The following THSD4 variants were observed in gnomAD, a reference collection of about 807,000 sequenced individuals.
The protein encoded by THSD4 is thrombospondin type 1 domain containing 4.
THSD4 carries 69 observed loss-of-function variants against 119.0 expected under a neutral mutation model. The observed-to-expected ratio is 0.58, with a 90% CI of 0.48 to 0.71. The LOEUF (loss-of-function observed/expected upper bound fraction) is 0.71. Among genes scored for constraint, THSD4 ranks in the 30% least tolerant of loss-of-function variants. THSD4 has a pLI of 0.00. For missense variants in THSD4, 1,393 were observed against 1,391.1 expected (o/e 1.00, Z -0.02); for synonymous variants, 524 against 540.4 (o/e 0.97, Z 0.42).
At chr15:71,518,612 T>C (rs866681581) in intron 7 of THSD4, among the ~76,000 whole-genome samples, 7 of 152,356 alleles carry the variant, frequency 4.6e-5, no homozygotes, top group Middle Eastern at 3.4e-3. Context: ...TGTTAGGTGC[T>C]GCTGCTGTAA....
At chr15:71,184,844 A>T (rs530776148) in intron 3 of THSD4, among the ~76,000 whole-genome samples, 5 of 151,898 alleles carry the variant, frequency 3.3e-5, no homozygotes, top group African/African-American at 1.2e-4. Context: ...ATGTGATGGA[A>T]GTAGTTTCGT....
chr15:71,398,104 A>G (rs2140480102), intron 6 of THSD4, among the ~76,000 whole-genome samples: 2 of 152,330 alleles, frequency 1.3e-5, no homozygotes, highest in South Asian at 4.1e-4. Flanking sequence ...CAAGATTAGT[A>G]GGATATCTTA....
chr15:71,456,195 G>A (rs1338537234), intron 7 of THSD4, among the ~76,000 whole-genome samples: 1 of 152,158 alleles, frequency 6.6e-6, no homozygotes, highest in African/African-American at 2.4e-5. Context: ...GTCCCGTTAA[G>A]CATCCAAAGA....
intron 2 of THSD4, among the ~76,000 whole-genome samples, chr15:71,144,266 CCT>C (rs535482069): frequency 1.3e-5 from 2 of 152,060 alleles, no homozygotes; most frequent in Non-Finnish European, 2.9e-5. Flanking sequence ...ATTTTGCATC[CCT>C]GTTTTTAGGG....
At chr15:71,500,776 C>T (rs1446434921) in intron 7 of THSD4, among the ~76,000 whole-genome samples, 1 of 152,166 alleles carries the variant, frequency 6.6e-6, no homozygotes, top group Non-Finnish European at 1.5e-5. Context: ...TGTGGAAGAT[C>T]ATTTGACCAC....
chr15:71,497,901 T>C lies in THSD4; in HGVS notation c.1152+86078T>C, dbSNP rs886588024. On this transcript the variant is annotated intron_variant, in intron 7 of 17. Coordinates refer to ENST00000261862, the MANE Select transcript of THSD4 (RefSeq NM_024817.3). ...GAATTAAAATATTGTTTTGGGATCATTATCTTCATATCATTTACAGATAGA... is the reference window on the plus strand; with the variant it reads ...GAATTAAAATATTGTTTTGGGATCACTATCTTCATATCATTTACAGATAGA... Among the ~76,000 whole-genome samples the C allele has an allele frequency of 8.5e-5, 13 of 152,348 alleles. No homozygotes were observed. The East Asian group carries it at 2.5e-3, about 29-fold the overall frequency.
chr15:71,182,918 T>C (rs1012404897), intron 3 of THSD4, among the ~76,000 whole-genome samples: 5 of 151,800 alleles, frequency 3.3e-5, no homozygotes, highest in African/African-American at 4.8e-5. Context: ...TCTTTGTATT[T>C]TTTTATACAT....
intron 7 of THSD4, among the ~76,000 whole-genome samples, chr15:71,635,453 T>C (rs770914501): frequency 1.1e-4 from 16 of 152,192 alleles, no homozygotes; most frequent in Non-Finnish European, 2.1e-4. Flanking sequence ...TGTGAGAAGA[T>C]GGCCTTGAAG....
chr15:71,114,583 C>T (rs569058416), upstream of THSD4, among the ~76,000 whole-genome samples: 7 of 152,280 alleles, frequency 4.6e-5, no homozygotes, highest in Non-Finnish European at 1.0e-4. Context: ...GAATTTGGCT[C>T]TGAATTAGGA....
At chr15:71,684,570 C>CTAA (rs925757542) in intron 8 of THSD4, among the ~76,000 whole-genome samples, 2 of 150,652 alleles carry the variant, frequency 1.3e-5, no homozygotes, top group African/African-American at 4.9e-5. Flanking sequence ...CACCTACTTA[C>CTAA]GTTATTTTTT....
intron 3 of THSD4, among the ~76,000 whole-genome samples, chr15:71,211,704 G>T (rs1435176575): frequency 1.1e-4 from 17 of 152,168 alleles, no homozygotes; most frequent in African/African-American, 4.1e-4. Context: ...CCACTGGGTT[G>T]TCTGTTTCTT....
intron 17 of THSD4, among the ~76,000 whole-genome samples, chr15:71,774,409 A>G (rs557831167): frequency 6.6e-6 from 1 of 152,194 alleles, no homozygotes; most frequent in South Asian, 2.1e-4. Flanking sequence ...ATGTTTTTCC[A>G]TAAGATTGGC....
intron 7 of THSD4, among the ~76,000 whole-genome samples, chr15:71,423,347 CAT>C (rs2046831936): frequency 6.6e-6 from 1 of 152,184 alleles, no homozygotes; most frequent in South Asian, 2.1e-4. Context: ...AGGCCCATGA[CAT>C]GTACTACCTG....
intron 6 of THSD4, among the ~76,000 whole-genome samples, chr15:71,304,704 C>A (rs1567188570): frequency 6.6e-6 from 1 of 152,222 alleles, no homozygotes; most frequent in East Asian, 1.9e-4. Context: ...GTTCTCCAAC[C>A]TCGTCTATGG....
intron 3 of THSD4, among the ~76,000 whole-genome samples, chr15:71,210,639 T>C (rs1033907824): frequency 6.6e-6 from 1 of 152,202 alleles, no homozygotes; most frequent in Non-Finnish European, 1.5e-5. Context: ...TTTTTATAGA[T>C]CAAAGATGGT....
At chr15:71,155,642 G>T (rs777079180) in intron 3 of THSD4, among the ~76,000 whole-genome samples, 1 of 152,176 alleles carries the variant, frequency 6.6e-6, no homozygotes, top group Non-Finnish European at 1.5e-5. Context: ...GGGAATGGAG[G>T]AGACCAGTAT....
intron 7 of THSD4, among the ~76,000 whole-genome samples, chr15:71,658,324 A>G (rs187306410): frequency 9.9e-4 from 150 of 152,158 alleles, no homozygotes; most frequent in Admixed American, 2.2e-3. Context: ...GTTCTTTCCT[A>G]CCTGTGTACA....
At chr15:71,697,307 C>T (rs2052184465) in intron 8 of THSD4, among the ~76,000 whole-genome samples, 1 of 152,168 alleles carries the variant, frequency 6.6e-6, no homozygotes, top group South Asian at 2.1e-4. Flanking sequence ...GCAGCATGAA[C>T]AAGATCTATG....
chr15:71,433,001 T>A (rs2046962383), intron 7 of THSD4, among the ~76,000 whole-genome samples: 1 of 151,944 alleles, frequency 6.6e-6, no homozygotes, highest in Admixed American at 6.6e-5. Context: ...TACTTTTAAC[T>A]CTTAGTAACC....
Sources: allele counts gnomAD v4.1 joint callset (sites outside exome capture counted in the v4.1 genomes callset), GRCh38; gene constraint gnomAD v4.1.1; transcripts MANE v1.5; gene names NCBI Gene and HGNC (gene_info 2026-07-23, HGNC 2026-07-21).